DIP2C: variants seen among roughly 807,000 people sequenced by gnomAD.
DIP2C encodes the protein disco-interacting protein 2 homolog C.
In DIP2C, 33 loss-of-function variants were observed where a neutral mutation model predicts 192.4. The observed-to-expected ratio is 0.17, with a 90% CI of 0.13 to 0.23. The LOEUF (loss-of-function observed/expected upper bound fraction) is 0.23, where lower values mean the gene tolerates loss of function less well. Ranked by LOEUF, DIP2C falls within the 10% of genes least tolerant of loss-of-function variation. The probability of loss-of-function intolerance (pLI) is 1.00; values close to 1 mark genes in which losing one functional copy is unlikely to be tolerated. For synonymous variants in DIP2C, 979 were observed against 864.1 expected, an observed-to-expected ratio of 1.13 and a Z score of -2.33; for missense variants, 1,537 against 2,110.1, an observed-to-expected ratio of 0.73 and a Z score of 5.32.
chr10:303,489 T>A (rs887491048), intron 32 of DIP2C, among the ~76,000 whole-genome samples: 3 of 152,188 alleles, frequency 2.0e-5, no homozygotes, highest in Non-Finnish European at 4.4e-5. Flanking sequence ...ATAATTTATC[T>A]TTATATCAAG....
intron 1 of DIP2C, among the ~76,000 whole-genome samples, chr10:687,524 T>C (rs1397629435): frequency 2.0e-5 from 3 of 152,074 alleles, no homozygotes; most frequent in East Asian, 1.9e-4. Context: ...GAAGGAAAAA[T>C]ATAATTAGGC....
chr10:304,000 A>G (rs927974192), intron 32 of DIP2C, among the ~76,000 whole-genome samples: 9 of 152,038 alleles, frequency 5.9e-5, no homozygotes, highest in African/African-American at 2.2e-4. Flanking sequence ...TTCTGTGGGA[A>G]CCATGCTTTC....
At chr10:369,234 C>G (rs941766168) in intron 18 of DIP2C, among the ~76,000 whole-genome samples, 1 of 152,174 alleles carries the variant, frequency 6.6e-6, no homozygotes, top group Non-Finnish European at 1.5e-5. Context: ...GCACTGGCCC[C>G]GAAGCCTTCC....
intron 1 of DIP2C, among the ~76,000 whole-genome samples, chr10:513,048 T>G (rs1460257295): frequency 5.3e-5 from 8 of 151,864 alleles, no homozygotes. Context: ...AAGATACACA[T>G]TCCTACAAAT....
At chr10:675,061 CA>C (rs1830826795) in intron 1 of DIP2C, among the ~76,000 whole-genome samples, 1 of 151,766 alleles carries the variant, frequency 6.6e-6, no homozygotes, top group Non-Finnish European at 1.5e-5. Context: ...AGTCTCAATA[CA>C]TTTTTTTAAA....
At chr10:541,022 G>A (rs917918144) in intron 1 of DIP2C, among the ~76,000 whole-genome samples, 6 of 146,508 alleles carry the variant, frequency 4.1e-5, no homozygotes, top group Non-Finnish European at 4.5e-5. Context: ...CACAACACCC[G>A]ATGCTGGGGA....
At chr10:537,790 C>T (rs1488439433) in intron 1 of DIP2C, among the ~76,000 whole-genome samples, 1 of 143,518 alleles carries the variant, frequency 7.0e-6, no homozygotes, top group African/African-American at 2.9e-5. Context: ...CTTTCGTCTG[C>T]GAATTTTTTT....
At chr10:286,406 C>G in intron 33 of DIP2C, 59 bp from the exon 34 acceptor site, 1 of 1,466,954 alleles carries the variant, frequency 6.8e-7, no homozygotes, top group Non-Finnish European at 9.5e-7. Flanking sequence ...AGACTACACA[C>G]AAGCCAACCT....
At chr10:491,599 G>A (rs1439944805) in intron 1 of DIP2C, among the ~76,000 whole-genome samples, 2 of 152,206 alleles carry the variant, frequency 1.3e-5, no homozygotes, top group African/African-American at 4.8e-5. Context: ...GCACAGCAGG[G>A]TCCCCCATGG....
chr10:391,000 T>A (rs1963414960), intron 10 of DIP2C, 137 bp from the exon 11 acceptor site: 2 of 1,300,670 alleles, frequency 1.5e-6, no homozygotes, highest in South Asian at 1.4e-5. Context: ...CTGCTTGGTA[T>A]CTGTGGGACC....
At chr10:580,747 T>C (rs1294550000) in intron 1 of DIP2C, among the ~76,000 whole-genome samples, 3 of 152,076 alleles carry the variant, frequency 2.0e-5, no homozygotes, top group Non-Finnish European at 4.4e-5. Flanking sequence ...TTTTCCAAAC[T>C]GTAATAGAAG....
intron 1 of DIP2C, among the ~76,000 whole-genome samples, chr10:601,025 A>C (rs1010659167): frequency 6.6e-6 from 1 of 152,134 alleles, no homozygotes; most frequent in African/African-American, 2.4e-5. Context: ...TCACCTGAGA[A>C]GGCTGCTCAG....
intron 26 of DIP2C, among the ~76,000 whole-genome samples, chr10:347,522 C>T (rs1372502574): frequency 8.2e-6 from 1 of 121,708 alleles, no homozygotes. Context: ...CCGGAAACCC[C>T]ACACGCACCC....
At position 661,811 on chromosome 10, in the gene DIP2C, C is replaced by T. The variant is rs183260929; in HGVS notation, c.85+27683G>A. On this transcript the variant is annotated intron_variant, in intron 1 of 36. Transcript: ENST00000280886. ...AAGCCTCCTTCCATATTTCCAAACT[C>T]GCAGCTTGCGGTGGTGTCTCTAAGT... is the stretch of plus-strand genomic sequence containing the variant. 2.0e-4 allele frequency among the ~76,000 whole-genome samples: 31 copies of T among 152,342 alleles called. 1 individual carries two copies. In the South Asian group the frequency reaches 3.3e-3, roughly 16 times the overall value.
At chr10:376,324 C>T (rs1961583627) in intron 17 of DIP2C, among the ~76,000 whole-genome samples, 2 of 142,454 alleles carry the variant, frequency 1.4e-5, no homozygotes, top group Admixed American at 1.4e-4. Flanking sequence ...GAGAAGGACC[C>T]AGGCCCACCT....
Position 309,915 on chromosome 10 carries a change from C to G in DIP2C, c.3986+116G>C, listed in dbSNP as rs1050049905. ...CACCACTTCACTCATGAGACAGTTA[C>G]ACTCTGGGCAGATAAACATCGTGTG... is the stretch of plus-strand genomic sequence containing the variant. On this transcript the variant is annotated intron_variant, in intron 32 of 36. Coordinates refer to ENST00000280886, the MANE Select transcript of DIP2C (RefSeq NM_014974.3). The G allele has an allele frequency of 1.1e-5, 11 of 1,002,548 alleles. No homozygotes were observed. In the Admixed American group the frequency reaches 1.3e-4, roughly 12 times the overall value. 62.1% of individuals were successfully genotyped at this position (1,002,548 alleles called of 1,614,324 possible). A position where few individuals can be genotyped will look rare whatever the true frequency, so the allele number is the denominator to read the frequency against.
At chr10:577,341 CTAGAAA>C (rs1247588621) in intron 1 of DIP2C, among the ~76,000 whole-genome samples, 3 of 152,314 alleles carry the variant, frequency 2.0e-5, no homozygotes, top group Admixed American at 1.3e-4. Flanking sequence ...GGTACTGTAA[CTAGAAA>C]TAAAGGCAAA....
intron 36 of DIP2C, among the ~76,000 whole-genome samples, chr10:278,910 A>G (rs1272754575): frequency 6.6e-6 from 1 of 152,204 alleles, no homozygotes; most frequent in Non-Finnish European, 1.5e-5. Flanking sequence ...GATGGAGACC[A>G]GGCTCCAGGG....
intron 32 of DIP2C, among the ~76,000 whole-genome samples, chr10:299,677 A>G (rs1352939651): frequency 2.6e-5 from 4 of 152,224 alleles, no homozygotes; most frequent in Non-Finnish European, 5.9e-5. Flanking sequence ...AAAGGACACA[A>G]TGAACAGAAT....
Sources: gnomAD v4.1 joint callset for allele counts (sites outside exome capture counted in the v4.1 genomes callset) on GRCh38, gnomAD v4.1.1 for gene constraint, MANE v1.5 for transcripts, NCBI Gene and HGNC (gene_info 2026-07-23, HGNC 2026-07-21) for gene names.